Variants in GFRA1 observed in about 807,000 individuals in gnomAD.
The protein encoded by GFRA1 is GDNF family receptor alpha-1.
GFRA1 carries 16 observed loss-of-function variants against 51.6 expected under a neutral mutation model. The ratio of observed to expected loss-of-function variants is 0.31; its 90% CI spans 0.21 to 0.47. GFRA1 has a LOEUF of 0.47. Ranked by LOEUF, GFRA1 falls within the 20% of genes least tolerant of loss-of-function variation. The pLI, the probability that GFRA1 is intolerant of heterozygous loss-of-function variation, is 1.00. For missense variants in GFRA1, 530 were observed against 594.3 expected (o/e 0.89, Z 1.13); for synonymous variants, 270 against 241.3 (o/e 1.12, Z -1.10).
intron 6 of GFRA1, among the ~76,000 whole-genome samples, chr10:116,121,516 G>A (rs1424032175): frequency 6.6e-6 from 1 of 152,220 alleles, no homozygotes; most frequent in Non-Finnish European, 1.5e-5. Flanking sequence ...CTGTTTGAAG[G>A]CATGAGGCGG....
chr10:116,265,472 T>C (rs1383412988), intron 4 of GFRA1, among the ~76,000 whole-genome samples: 1 of 152,154 alleles, frequency 6.6e-6, no homozygotes, highest in East Asian at 1.9e-4. Context: ...TCCTCAGGCT[T>C]TTCTTAGCAC....
chr10:116,212,380 C>T (rs572834764), intron 4 of GFRA1, among the ~76,000 whole-genome samples: 25 of 152,082 alleles, frequency 1.6e-4, no homozygotes, highest in South Asian at 1.0e-3. Flanking sequence ...ATTAGCCAGA[C>T]GCAGTGGTGG....
At chr10:116,265,194 G>A (rs1052700300) in intron 4 of GFRA1, among the ~76,000 whole-genome samples, 1 of 152,150 alleles carries the variant, frequency 6.6e-6, no homozygotes, top group African/African-American at 2.4e-5. Flanking sequence ...TTCCCGGAAA[G>A]GTCAAAGCCA....
At chr10:116,121,565 T>A (rs1957646776) in intron 6 of GFRA1, among the ~76,000 whole-genome samples, 1 of 152,226 alleles carries the variant, frequency 6.6e-6, no homozygotes. Flanking sequence ...TGTCGGACCC[T>A]GGGGAAGGAA....
At position 116,064,339 on chromosome 10, in the gene GFRA1, GA is replaced by G; in HGVS notation, c.*58del. On this transcript the variant is annotated 3_prime_UTR_variant, in exon 11 of 11. Transcript: ENST00000355422. Reference sequence around the variant, plus strand: ...GAATTTCAGCTATACAAGAGAACAGGAAACAGATAACTTGGTTTTTGTCTTT... The same window carrying G: ...GAATTTCAGCTATACAAGAGAACAGGAACAGATAACTTGGTTTTTGTCTTT... The G allele has an allele frequency of 1.4e-6, 2 of 1,464,830 alleles. No homozygotes were observed. The highest frequency in any genetic ancestry group is 1.2e-5 in the South Asian group (1 of 86,410). 90.7% of individuals were successfully genotyped at this position (1,464,830 alleles called of 1,614,324 possible). A position where few individuals can be genotyped will look rare whatever the true frequency, so the allele number is the denominator to read the frequency against.
intron 2 of GFRA1, among the ~76,000 whole-genome samples, chr10:116,271,447 C>T (rs1488176914): frequency 6.6e-6 from 1 of 152,220 alleles, no homozygotes; most frequent in Non-Finnish European, 1.5e-5. Context: ...CCCGGGCTCC[C>T]GGGCCACCCC....
intron 6 of GFRA1, among the ~76,000 whole-genome samples, chr10:116,098,239 G>A (rs952281933): frequency 1.6e-4 from 25 of 152,250 alleles, no homozygotes; most frequent in African/African-American, 4.8e-4. Context: ...GCCATGTGCC[G>A]AAGCTAAGTG....
chr10:116,245,497 A>G (rs568709123), intron 4 of GFRA1, among the ~76,000 whole-genome samples: 1 of 152,380 alleles, frequency 6.6e-6, no homozygotes, highest in South Asian at 2.1e-4. Context: ...AAAATGGTAC[A>G]GCCGCTTTGC....
chr10:116,140,082 A>G (rs776756199), intron 5 of GFRA1, among the ~76,000 whole-genome samples: 5 of 152,166 alleles, frequency 3.3e-5, no homozygotes, highest in Admixed American at 6.5e-5. Context: ...GGCATTAGCT[A>G]ATGAACTGAC....
At chr10:116,138,734 C>T (rs532308208) in intron 5 of GFRA1, among the ~76,000 whole-genome samples, 10 of 142,214 alleles carry the variant, frequency 7.0e-5, no homozygotes, top group African/African-American at 1.8e-4. Flanking sequence ...AAAGAACTGA[C>T]GGCTCAGCTG....
intron 5 of GFRA1, among the ~76,000 whole-genome samples, chr10:116,200,450 G>C (rs1964238925): frequency 6.6e-6 from 1 of 152,226 alleles, no homozygotes; most frequent in Admixed American, 6.5e-5. Context: ...CAGCATCTGA[G>C]ACCTGGGGAT....
At chr10:116,129,735 G>A (rs965266220) in intron 5 of GFRA1, among the ~76,000 whole-genome samples, 1 of 151,954 alleles carries the variant, frequency 6.6e-6, no homozygotes, top group East Asian at 1.9e-4. Flanking sequence ...TATACAAAAA[G>A]TAATTGTACT....
chr10:116,153,985 A>G (rs1232354837), intron 5 of GFRA1, among the ~76,000 whole-genome samples: 2 of 152,238 alleles, frequency 1.3e-5, no homozygotes, highest in African/African-American at 2.4e-5. Context: ...GCAAAGAAAC[A>G]TGCAGAAATG....
chr10:116,073,612 G>A (rs1458668572), intron 9 of GFRA1, among the ~76,000 whole-genome samples: 3 of 152,132 alleles, frequency 2.0e-5, no homozygotes, highest in African/African-American at 7.2e-5. Context: ...AGCTAGGAGG[G>A]ATGGCCCTAA....
rs946261017 is a variant in GFRA1, at chr10:116,249,332, C to T, written c.418+20171G>A. Among the ~76,000 whole-genome samples, 5 of 152,234 alleles carry T rather than the reference C, an allele frequency of 3.3e-5. No individual in the cohort carries two copies. In the East Asian group the frequency reaches 9.7e-4, roughly 29 times the overall value. On this transcript the variant is annotated intron_variant, in intron 4 of 10. Coordinates refer to ENST00000355422, the MANE Select transcript of GFRA1 (RefSeq NM_005264.8). Reference sequence around the variant, plus strand: ...TGGGTCCATTACTGAACACAAGAGACGAGTGTGGCGCTGTTGGGAGGTCCC... The same window carrying T: ...TGGGTCCATTACTGAACACAAGAGATGAGTGTGGCGCTGTTGGGAGGTCCC...
At chr10:116,080,888 T>TAACA (rs932596753) in intron 9 of GFRA1, among the ~76,000 whole-genome samples, 1 of 152,164 alleles carries the variant, frequency 6.6e-6, no homozygotes, top group African/African-American at 2.4e-5. Context: ...AATAAAACTC[T>TAACA]AACAAAACTT....
intron 5 of GFRA1, among the ~76,000 whole-genome samples, chr10:116,166,863 G>A (rs1021297089): frequency 4.9e-4 from 61 of 124,476 alleles, no homozygotes; most frequent in African/African-American, 1.2e-4. Context: ...GCAGCGGTGC[G>A]ATCTCGGCAC....
At chr10:116,165,726 AAG>A (rs558182602) in intron 5 of GFRA1, among the ~76,000 whole-genome samples, 6 of 151,822 alleles carry the variant, frequency 4.0e-5, no homozygotes, top group East Asian at 1.9e-4. Flanking sequence ...TCATGAGGGA[AAG>A]AGAGAGACAG....
At chr10:116,102,101 G>T (rs1956838447) in intron 6 of GFRA1, among the ~76,000 whole-genome samples, 1 of 152,194 alleles carries the variant, frequency 6.6e-6, no homozygotes, top group Non-Finnish European at 1.5e-5. Flanking sequence ...GAGGGCCAAA[G>T]AGATTAAGCC....
Sources: gnomAD v4.1 joint callset for allele counts (sites outside exome capture counted in the v4.1 genomes callset) on GRCh38, gnomAD v4.1.1 for gene constraint, MANE v1.5 for transcripts, NCBI Gene and HGNC (gene_info 2026-07-23, HGNC 2026-07-21) for gene names.